The following NCAPG2 variants were observed in gnomAD, a reference collection of about 807,000 sequenced individuals.
NCAPG2 encodes condensin-2 complex subunit G2.
NCAPG2 carries 53 observed loss-of-function variants against 141.1 expected under a neutral mutation model. The observed-to-expected ratio is 0.38, with a 90% CI of 0.30 to 0.47. The LOEUF is 0.47. Among genes scored for constraint, NCAPG2 ranks in the 20% least tolerant of loss-of-function variants. NCAPG2 has a pLI of 0.99. For synonymous variants in NCAPG2, 499 were observed against 490.7 expected, an observed-to-expected ratio of 1.02 and a Z score of -0.22; for missense variants, 1,087 against 1,389.0, an observed-to-expected ratio of 0.78 and a Z score of 3.46.
In NCAPG2 at chr7:158,646,467, C is replaced by T. The variant is rs370374722; in HGVS notation, c.3172G>A (p.Val1058Met). 6.6e-5 allele frequency: 105 copies of T among 1,598,890 alleles called. No homozygotes were observed. The highest frequency in any genetic ancestry group is 8.7e-5 in the Non-Finnish European group (102 of 1,173,310). The change falls in exon 25 of 28, where the codon GTG (valine) becomes ATG (methionine). Residue 1058 changes from valine (V) to methionine (M), a missense_variant. Physicochemically the swap from Val to Met is conservative, Grantham distance 21 (BLOSUM62 1). Transcript: ENST00000356309. ...TAAAGAGAAAGTGATTACCTGACCA[C>T]ATTCGAAGACTTTATTATTATTCCT... is the stretch of plus-strand genomic sequence containing the variant. Reference protein sequence around the residue: ...LIGIIIKSSNVVRSFLDELKA... With the variant: ...LIGIIIKSSNMVRSFLDELKA...
In NCAPG2 at chr7:158,664,761, A is replaced by C; in HGVS notation, c.1480-11T>G. 6.2e-7 allele frequency: 1 copy of C among 1,607,902 alleles called. No individual in the cohort carries two copies. The highest frequency in any genetic ancestry group is 8.5e-7 in the Non-Finnish European group (1 of 1,174,644). On this transcript the variant is annotated splice_polypyrimidine_tract_variant and intron_variant, in intron 13 of 27. Transcript: ENST00000356309. Reference sequence around the variant, plus strand: ...ACATATTTTCCAAAACTGTGCAAAAAGCACATATGCAGAAGGAAATAATCA... The same window carrying C: ...ACATATTTTCCAAAACTGTGCAAAACGCACATATGCAGAAGGAAATAATCA...
rs879522969 is a variant in NCAPG2, at chr7:158,639,112, A to AT, written c.3380+5176dup. Among the ~76,000 whole-genome samples the AT allele has an allele frequency of 1.6e-3, 236 of 146,426 alleles. 1 individual carries two copies. Among genetic ancestry groups the AT allele is most frequent in the East Asian group, 9.5e-3 (48 of 5,052 alleles). On this transcript the variant is annotated intron_variant, in intron 27 of 27. Coordinates refer to ENST00000356309, the MANE Select transcript of NCAPG2 (RefSeq NM_017760.7). ...ATTCCTCGATTTAGGTGGTGACTGA[A>AT]TTTTTTTTTTTTTAAGACAGGGTCT... is the stretch of plus-strand genomic sequence containing the variant.
At chr7:158,702,416 C>T (rs895739040) in intron 1 of NCAPG2, 5 of 154,304 alleles carry the variant, frequency 3.2e-5, no homozygotes, top group African/African-American at 7.2e-5. Context: ...ACAGTGGCCC[C>T]GGGGGTCACC....
At chr7:158,678,353 C>T (rs963710087) in intron 11 of NCAPG2, among the ~76,000 whole-genome samples, 2 of 152,038 alleles carry the variant, frequency 1.3e-5, no homozygotes, top group Non-Finnish European at 2.9e-5. Flanking sequence ...TGAACAATGC[C>T]GCAGGCCAGA....
intron 8 of NCAPG2, among the ~76,000 whole-genome samples, chr7:158,683,934 A>G (rs1395929415): frequency 6.6e-6 from 1 of 152,196 alleles, no homozygotes; most frequent in African/African-American, 2.4e-5. Flanking sequence ...AGCAACTGGG[A>G]AAAGGCCTAG....
At chr7:158,635,518 AT>A (rs1286738355) in intron 27 of NCAPG2, among the ~76,000 whole-genome samples, 2 of 152,228 alleles carry the variant, frequency 1.3e-5, no homozygotes, top group Non-Finnish European at 2.9e-5. Flanking sequence ...TATTATTTAT[AT>A]TTGTAATTTA....
intron 13 of NCAPG2, among the ~76,000 whole-genome samples, chr7:158,666,549 T>C (rs941955886): frequency 7.3e-5 from 11 of 151,250 alleles, no homozygotes; most frequent in African/African-American, 2.7e-4. Context: ...ATAGCACTTT[T>C]ATCTAGTCTG....
chr7:158,662,698 T>C (rs1015567226), intron 15 of NCAPG2, among the ~76,000 whole-genome samples: 2 of 152,216 alleles, frequency 1.3e-5, no homozygotes, highest in African/African-American at 4.8e-5. Flanking sequence ...CTGTATCTTC[T>C]GTTTTATTAA....
intron 12 of NCAPG2, among the ~76,000 whole-genome samples, chr7:158,672,710 C>G (rs943277852): frequency 6.6e-6 from 1 of 152,100 alleles, no homozygotes; most frequent in Non-Finnish European, 1.5e-5. Context: ...CCAAAGCACT[C>G]AAGGGCAGAC....
Position 158,701,369 on chromosome 7 carries a change from T to C in NCAPG2, c.78+453A>G, listed in dbSNP as rs565134398. ...TCCTTACCTCTATTTTGTCCACTAG[T>C]TCTCTCTCCTTCTCTTTTGTTCTCT... On this transcript the variant is annotated intron_variant, in intron 2 of 27. Coordinates refer to ENST00000356309, the MANE Select transcript of NCAPG2 (RefSeq NM_017760.7). Among the ~76,000 whole-genome samples, 6 of 152,324 alleles carry C rather than the reference T, an allele frequency of 3.9e-5. No homozygotes were observed. In the South Asian group the frequency reaches 1.2e-3, roughly 32 times the overall value.
Position 158,680,013 on chromosome 7 carries a change from G to A in NCAPG2, c.1093C>T (p.Leu365Phe), listed in dbSNP as rs748135341. 2.0e-5 allele frequency: 32 copies of A among 1,614,020 alleles called. No individual in the cohort carries two copies. Among genetic ancestry groups the A allele is most frequent in the Non-Finnish European group, 3.4e-6 (4 of 1,179,998 alleles). Reference sequence around the variant, plus strand: ...TCACTATCCATTTCAATAGCATGAAGGTTTGGATCCCTAATAGGAAATGCT... The same window carrying A: ...TCACTATCCATTTCAATAGCATGAAAGTTTGGATCCCTAATAGGAAATGCT... ...VEAFPIRDPN[L>F]HAIEMDSEIQ... Residue 365 changes from leucine to phenylalanine, a missense_variant, in exon 11 of 28, where the codon CTT (leucine) becomes TTT (phenylalanine). Leu to Phe is a conservative substitution (Grantham distance 22, BLOSUM62 0). Coordinates refer to ENST00000356309, the MANE Select transcript of NCAPG2 (RefSeq NM_017760.7).
chr7:158,665,878 C>T (rs1437076035), intron 13 of NCAPG2, among the ~76,000 whole-genome samples: 1 of 152,200 alleles, frequency 6.6e-6, no homozygotes, highest in East Asian at 1.9e-4. Flanking sequence ...TCATTACTAC[C>T]TCCTGAAGCG....
chr7:158,655,611 G>T (rs1055125280), intron 19 of NCAPG2, among the ~76,000 whole-genome samples, 156 bp from the exon 20 acceptor site: 2 of 4,994 alleles, frequency 4.0e-4, no homozygotes, highest in Non-Finnish European at 7.7e-4. Flanking sequence ...ACCCGGACAT[G>T]AGGTGCTGGG....
intron 17 of NCAPG2, 53 bp from the exon 18 acceptor site, chr7:158,656,758 A>C: frequency 6.3e-7 from 1 of 1,576,444 alleles, no homozygotes. Context: ...AGACTCCCCA[A>C]CTTTGTCAAA....
In NCAPG2 at chr7:158,645,436, A is replaced by C. The variant is rs551936791; in HGVS notation, c.3280+83T>G. On this transcript the variant is annotated intron_variant, in intron 26 of 27. Coordinates refer to ENST00000356309, the MANE Select transcript of NCAPG2 (RefSeq NM_017760.7). ...GAGCTGGCCAGGAGTAGCCAAGTGC[A>C]GGGGCTGATCCCCGGAATCCCATGA... 1,501 of 1,236,210 alleles carry C rather than the reference A, an allele frequency of 1.2e-3. 12 individuals carry two copies. The African/African-American group carries it at 0.019, about 15-fold the overall frequency. 76.6% of individuals were successfully genotyped at this position (1,236,210 alleles called of 1,614,324 possible).
intron 2 of NCAPG2, among the ~76,000 whole-genome samples, chr7:158,697,761 TA>T (rs1037760111): frequency 1.3e-5 from 2 of 151,968 alleles, no homozygotes; most frequent in South Asian, 2.1e-4. Flanking sequence ...TATACAGCCA[TA>T]AAAAAAGAAT....
At position 158,667,345 on chromosome 7, in the gene NCAPG2, G is replaced by GCCC. The variant is rs1323436122; in HGVS notation, c.1480-2596_1480-2595insGGG. ...TGTCCCTCCGCTACTGTGTCCCTCC[G>GCCC]CTCCTTAGCCACTACCGGATCCCTC... On this transcript the variant is annotated intron_variant, in intron 13 of 27. Transcript: ENST00000356309. The GCCC allele has an allele frequency of 2.9e-4, 31 of 106,936 alleles. 6 individuals are homozygous for GCCC. In the East Asian group the frequency reaches 0.029, roughly 100 times the overall value. 6.6% of individuals were successfully genotyped at this position (106,936 alleles called of 1,614,324 possible). A position where few individuals can be genotyped will look rare whatever the true frequency, so the allele number is the denominator to read the frequency against.
At chr7:158,688,287 T>G (rs1332158906) in intron 6 of NCAPG2, among the ~76,000 whole-genome samples, 1 of 152,334 alleles carries the variant, frequency 6.6e-6, no homozygotes, top group South Asian at 2.1e-4. Flanking sequence ...AATGATTGAT[T>G]AGGAAACTAC....
chr7:158,661,428 A>AT (rs1180474369), intron 16 of NCAPG2, among the ~76,000 whole-genome samples: 1 of 152,172 alleles, frequency 6.6e-6, no homozygotes, highest in African/African-American at 2.4e-5. Context: ...AAGGTCCTGC[A>AT]TGCAAATAGA....
Sources: allele counts gnomAD v4.1 joint callset (sites outside exome capture counted in the v4.1 genomes callset), GRCh38; gene constraint gnomAD v4.1.1; transcripts MANE v1.5; gene names NCBI Gene and HGNC (gene_info 2026-07-23, HGNC 2026-07-21).